The following OGA variants were observed in gnomAD, a reference collection of about 807,000 sequenced individuals.
The protein encoded by OGA is protein O-GlcNAcase.
Under a neutral mutation model 102.0 loss-of-function variants are expected in OGA, and 21 were observed. The observed-to-expected ratio is 0.21, with a 90% CI of 0.15 to 0.30. The LOEUF is 0.30. Ranked by LOEUF, OGA falls within the 10% of genes least tolerant of loss-of-function variation. The pLI is 1.00. For synonymous variants in OGA, 408 were observed against 378.2 expected (o/e 1.08, Z -0.91); for missense variants, 765 against 1,107.8 (o/e 0.69, Z 4.39).
In OGA at chr10:101,797,969, G is replaced by T. The variant is rs2065337692; in HGVS notation, c.1984+11C>A. 6.2e-7 allele frequency: 1 copy of T among 1,607,696 alleles called. No homozygotes were observed. The highest frequency in any genetic ancestry group is 1.1e-5 in the South Asian group (1 of 90,912). On this transcript the variant is annotated intron_variant, in intron 10 of 15. Coordinates refer to ENST00000361464, the MANE Select transcript of OGA (RefSeq NM_012215.5). ...TATTTGAGGAGAAGAGATTATTCCT[G>T]GTGCACCTACCTAACCACTGTACAA...
At chr10:101,801,253 G>T (rs1589831514) in intron 7 of OGA, among the ~76,000 whole-genome samples, 1 of 151,856 alleles carries the variant, frequency 6.6e-6, no homozygotes, top group African/African-American at 2.4e-5. Flanking sequence ...TTAGCCAGAC[G>T]TGGTGGCAGG....
At chr10:101,790,524 G>A (rs149613931) in intron 14 of OGA, among the ~76,000 whole-genome samples, 2 of 151,948 alleles carry the variant, frequency 1.3e-5, no homozygotes, top group Non-Finnish European at 2.9e-5. Context: ...TGATACACCC[G>A]CCTTGGCCTC....
chr10:101,807,717 T>C lies in OGA; in HGVS notation c.652+13A>G, dbSNP rs1056505570. On this transcript the variant is annotated intron_variant, in intron 5 of 15. Coordinates refer to ENST00000361464, the MANE Select transcript of OGA (RefSeq NM_012215.5). ...AGAAGACTAGTTAAATGTAAAGCCA[T>C]TATATACAATACCTGTGGGACAGAA... 3.9e-6 allele frequency: 6 copies of C among 1,557,522 alleles called. No homozygotes were observed. Among genetic ancestry groups the C allele is most frequent in the Non-Finnish European group, 5.2e-6 (6 of 1,151,238 alleles).
At chr10:101,796,374 G>A (rs1414643218) in intron 10 of OGA, among the ~76,000 whole-genome samples, 1 of 152,002 alleles carries the variant, frequency 6.6e-6, no homozygotes, top group Non-Finnish European at 1.5e-5. Flanking sequence ...TGATTCTTCT[G>A]CCTCAGCCTC....
chr10:101,801,859 T>C (rs1293012305), intron 7 of OGA, among the ~76,000 whole-genome samples: 1 of 152,150 alleles, frequency 6.6e-6, no homozygotes, highest in Non-Finnish European at 1.5e-5. Context: ...AAAAGTTCAG[T>C]GTTCAGGCTG....
chr10:101,800,949 A>G (rs2065383754), intron 7 of OGA, among the ~76,000 whole-genome samples: 1 of 151,628 alleles, frequency 6.6e-6, no homozygotes, highest in African/African-American at 2.4e-5. Context: ...TAATTTTTCT[A>G]TTATTCGTGA....
chr10:101,792,792 T>C (rs1175617190), intron 12 of OGA, 47 bp downstream of exon 12: 1 of 1,341,686 alleles, frequency 7.5e-7, no homozygotes, highest in South Asian at 1.2e-5. Context: ...AAGTTTTAAG[T>C]GTGCACCATA....
At chr10:101,804,627 G>A (rs2065442750) in intron 6 of OGA, among the ~76,000 whole-genome samples, 1 of 151,810 alleles carries the variant, frequency 6.6e-6, no homozygotes, top group Admixed American at 6.6e-5. Context: ...GGTCTCCTCT[G>A]TTACCCAGGC....
Position 101,798,863 on chromosome 10 carries a change from G to A in OGA, c.1788C>T (p.Cys596=). Residue 596 remains cysteine (C), a synonymous_variant, in exon 9 of 16, where the codon TGC becomes TGT. Transcript: ENST00000361464. ...TCACTTTTTCAGAGTCTTTTCCTTT[G>A]CAATTGACACTGACAACACTACTAT... ...RANSSVVSVN[C]KGKDSEKIEE... 6.2e-7 allele frequency: 1 copy of A among 1,613,492 alleles called. No homozygotes were observed. The highest frequency in any genetic ancestry group is 8.5e-7 in the Non-Finnish European group (1 of 1,179,622).
intron 9 of OGA, among the ~76,000 whole-genome samples, chr10:101,798,486 C>T (rs1210928301): frequency 1.3e-5 from 2 of 150,486 alleles, no homozygotes; most frequent in Non-Finnish European, 3.0e-5. Context: ...TCTCAGCTCA[C>T]TGCAAACTCC....
Position 101,815,961 on chromosome 10 carries a change from G to GAAAAAAAAAAAAAAAAAAA in OGA, c.199+1862_199+1863insTTTTTTTTTTTTTTTTTTT, listed in dbSNP as rs1185344174. The stretch of plus-strand genomic sequence containing the variant: ...TGCCAACCAAGAGGTATCAAAAAGA[G>GAAAAAAAAAAAAAAAAAAA]AGAAAAAAAAAAAAAAAAAAAAAAA... On this transcript the variant is annotated intron_variant, in intron 1 of 15. Coordinates refer to ENST00000361464, the MANE Select transcript of OGA (RefSeq NM_012215.5). Among the ~76,000 whole-genome samples, 3 of 23,790 alleles carry GAAAAAAAAAAAAAAAAAAA rather than the reference G, an allele frequency of 1.3e-4. 1 individual carries two copies. Among genetic ancestry groups the GAAAAAAAAAAAAAAAAAAA allele is most frequent in the African/African-American group, 2.2e-4 (1 of 4,504 alleles). The allele number at this position is 23,790 out of a possible 152,430, so 15.6% of individuals were successfully genotyped here.
Position 101,812,994 on chromosome 10 carries a change from A to G in OGA, c.349+36T>C, listed in dbSNP as rs1353999495. 3.5e-6 allele frequency: 5 copies of G among 1,433,552 alleles called. No homozygotes were observed. The East Asian group carries it at 9.1e-5, about 26-fold the overall frequency. 88.8% of individuals were successfully genotyped at this position (1,433,552 alleles called of 1,614,324 possible). On this transcript the variant is annotated intron_variant, in intron 3 of 15. Coordinates refer to ENST00000361464, the MANE Select transcript of OGA (RefSeq NM_012215.5). The stretch of plus-strand genomic sequence containing the variant: ...TTTAAAATATAACCGTTTTCTTCAC[A>G]GATTTTGAATTTATGGATAAAAAGA...
intron 6 of OGA, among the ~76,000 whole-genome samples, chr10:101,805,372 G>A (rs1175714245): frequency 6.6e-6 from 1 of 152,144 alleles, no homozygotes; most frequent in Non-Finnish European, 1.5e-5. Flanking sequence ...CAAGTTCTCT[G>A]GGCCAGGTGC....
chr10:101,814,844 C>T (rs1478345450), intron 1 of OGA, among the ~76,000 whole-genome samples: 1 of 152,196 alleles, frequency 6.6e-6, no homozygotes, highest in Admixed American at 6.5e-5. Flanking sequence ...GTTATGCACA[C>T]ACTGCAGAAA....
At chr10:101,788,107 G>A (rs2065213013) in intron 14 of OGA, 1 of 151,918 alleles carries the variant, frequency 6.6e-6, no homozygotes, top group Admixed American at 6.6e-5. Context: ...CTCCAGCCTG[G>A]GCAACAGAGC....
rs1018512568 is a variant in OGA at position 101,804,341 on chromosome 10, C to T, written c.752-322G>A. Among the ~76,000 whole-genome samples the T allele has an allele frequency of 3.5e-5, 5 of 143,918 alleles. No individual in the cohort carries two copies. In the South Asian group the frequency reaches 8.8e-4, roughly 25 times the overall value. The allele number at this position is 143,918 out of a possible 152,430, so 94.4% of individuals were successfully genotyped here. On this transcript the variant is annotated intron_variant, in intron 6 of 15. Transcript: ENST00000361464. ...AGGCTGGAGTACAGTGGTGTGATCT[C>T]GGCTCACTGTAAGCTCCGCCTCCTG...
rs1020036594 is a variant in OGA at position 101,791,410 on chromosome 10, C to T, written c.2205G>A (p.Met735Ile). 2 of 1,614,104 alleles carry T rather than the reference C, an allele frequency of 1.2e-6. No homozygotes were observed. The highest frequency in any genetic ancestry group is 1.7e-6 in the Non-Finnish European group (2 of 1,179,982). ...AGGGTAAACCCACTCCATCGTCATA[C>T]ATTTCTCTGCAAATCTTGTACACGG... ...EASVYKICRE[M>I]YDDGVGLPFQ... The change falls in exon 13 of 16, where the codon ATG (methionine) becomes ATA (isoleucine). Residue 735 changes from methionine (M) to isoleucine (I), a missense_variant. By Grantham distance (10) the Met-to-Ile change is conservative (BLOSUM62 1). This residue lies in a region of OGA where 146 missense variants were observed against 269.7 expected (regional missense o/e 0.54). Transcript: ENST00000361464.
rs933055804 is a variant in OGA, at chr10:101,818,430, T to C, written c.-408A>G. On this transcript the variant is annotated 5_prime_UTR_variant, in exon 1 of 16. Transcript: ENST00000361464. ...CTCTGCTGCTGCCTCCACCGCCCGC[T>C]TCCTGTTTATCCGCACTGCGCTTGC... 4 of 1,008,050 alleles carry C rather than the reference T, an allele frequency of 4.0e-6. No individual in the cohort carries two copies. Among genetic ancestry groups the C allele is most frequent in the African/African-American group, 1.7e-5 (1 of 57,870 alleles). 62.4% of individuals were successfully genotyped at this position (1,008,050 alleles called of 1,614,324 possible).
chr10:101,786,737 A>G (rs563660253), intron 15 of OGA, 150 bp from the exon 16 acceptor site: 15 of 676,700 alleles, frequency 2.2e-5, no homozygotes, highest in Non-Finnish European at 3.3e-5. Flanking sequence ...AAAAATTCAT[A>G]TTCAAAAAAT....
Sources: allele counts gnomAD v4.1 joint callset (sites outside exome capture counted in the v4.1 genomes callset), GRCh38; gene constraint gnomAD v4.1.1; regional missense constraint gnomAD v4.1.1; transcripts MANE v1.5; gene names NCBI Gene and HGNC (gene_info 2026-07-23, HGNC 2026-07-21).